The following SLC39A11 variants were observed in gnomAD, a reference collection of about 807,000 sequenced individuals.
SLC39A11 encodes solute carrier family 39 member 11.
A neutral mutation model predicts 36.1 loss-of-function variants in SLC39A11; 33 were observed. That is an observed-to-expected ratio of 0.91 (90% CI 0.69 to 1.22). The LOEUF (loss-of-function observed/expected upper bound fraction) is 1.22. SLC39A11 is among the 50% of genes most tolerant of loss of function. SLC39A11 has a pLI of 0.00. For synonymous variants in SLC39A11, 166 were observed against 170.3 expected (o/e 0.97, Z 0.20); for missense variants, 432 against 430.3 (o/e 1.00, Z -0.03).
chr17:72,752,512 T>C (rs2075195442), intron 6 of SLC39A11, among the ~76,000 whole-genome samples: 1 of 152,114 alleles, frequency 6.6e-6, no homozygotes, highest in African/African-American at 2.4e-5. Flanking sequence ...CCCAAAAGTG[T>C]TAGGATTACA....
intron 7 of SLC39A11, among the ~76,000 whole-genome samples, chr17:72,703,493 G>A (rs769979816): frequency 6.6e-6 from 1 of 150,758 alleles, no homozygotes; most frequent in African/African-American, 2.5e-5. Context: ...GGGGGGTTGG[G>A]GGGCGATACC....
intron 4 of SLC39A11, among the ~76,000 whole-genome samples, chr17:72,958,878 A>G (rs2086418340): frequency 6.6e-6 from 1 of 151,896 alleles, no homozygotes; most frequent in South Asian, 2.1e-4. Context: ...AAAAAAAAAA[A>G]AGAAGATACA....
At chr17:72,669,574 C>T (rs539308750) in intron 7 of SLC39A11, among the ~76,000 whole-genome samples, 3 of 152,304 alleles carry the variant, frequency 2.0e-5, no homozygotes, top group Non-Finnish European at 4.4e-5. Flanking sequence ...CAGGAAAACT[C>T]GATGTGTCTT....
At chr17:72,957,117 G>A (rs1043321771) in intron 4 of SLC39A11, among the ~76,000 whole-genome samples, 9 of 152,102 alleles carry the variant, frequency 5.9e-5, no homozygotes, top group Admixed American at 2.6e-4. Flanking sequence ...TCATTCGTAC[G>A]CTAACCTCAG....
intron 7 of SLC39A11, among the ~76,000 whole-genome samples, chr17:72,687,057 A>G (rs543246916): frequency 2.4e-4 from 36 of 152,278 alleles, no homozygotes; most frequent in Non-Finnish European, 3.4e-4. Flanking sequence ...AGACAGGGTC[A>G]TGCTCTGTCA....
intron 4 of SLC39A11, among the ~76,000 whole-genome samples, chr17:73,000,753 A>T (rs182170534): frequency 6.6e-6 from 1 of 152,190 alleles, no homozygotes; most frequent in African/African-American, 2.4e-5. Context: ...AAAATCCTAC[A>T]TTGACTCTCA....
At chr17:72,921,690 C>T (rs980650791) in intron 5 of SLC39A11, among the ~76,000 whole-genome samples, 4 of 152,282 alleles carry the variant, frequency 2.6e-5, no homozygotes, top group East Asian at 1.9e-4. Flanking sequence ...GTTAGAGGAA[C>T]GCTAACTTAC....
intron 5 of SLC39A11, among the ~76,000 whole-genome samples, chr17:72,919,862 A>G (rs1252029060): frequency 2.6e-5 from 4 of 152,022 alleles, no homozygotes; most frequent in Non-Finnish European, 5.9e-5. Context: ...TCTGGCTGGA[A>G]TTCACTTTCG....
At chr17:72,715,987 G>A (rs553256942) in intron 7 of SLC39A11, among the ~76,000 whole-genome samples, 13 of 152,138 alleles carry the variant, frequency 8.5e-5, no homozygotes, top group Non-Finnish European at 1.2e-4. Context: ...GTGAGCCACC[G>A]TGCCCGGCCA....
chr17:72,720,823 AC>A (rs1309396753), intron 7 of SLC39A11, among the ~76,000 whole-genome samples: 33 of 152,166 alleles, frequency 2.2e-4, no homozygotes, highest in African/African-American at 7.2e-4. Flanking sequence ...CAGGATTTGA[AC>A]CCAGGGAGTC....
intron 7 of SLC39A11, among the ~76,000 whole-genome samples, chr17:72,720,804 T>G (rs547753226): frequency 6.6e-6 from 1 of 152,262 alleles, no homozygotes; most frequent in African/African-American, 2.4e-5. Flanking sequence ...ACCCAGTTGA[T>G]GAAAGAGCCA....
At chr17:73,029,243 C>T (rs190527457) in intron 4 of SLC39A11, among the ~76,000 whole-genome samples, 182 of 152,186 alleles carry the variant, frequency 1.2e-3, no homozygotes, top group Admixed American at 4.7e-3. Flanking sequence ...ACCACCCCTA[C>T]TCCCCAGTAA....
chr17:72,985,410 T>TTTTA (rs1443731251), intron 4 of SLC39A11, among the ~76,000 whole-genome samples: 5 of 132,342 alleles, frequency 3.8e-5, no homozygotes, highest in Admixed American at 3.3e-4. Flanking sequence ...GGCCTGCCTT[T>TTTTA]TTTTTTTTTT....
chr17:72,783,364 A>G (rs1280609047), intron 6 of SLC39A11, among the ~76,000 whole-genome samples: 2 of 152,244 alleles, frequency 1.3e-5, no homozygotes, highest in African/African-American at 4.8e-5. Flanking sequence ...CTGTGCTGGA[A>G]AAGGCCTCCC....
chr17:72,848,790 C>A (rs1481512467), intron 6 of SLC39A11, among the ~76,000 whole-genome samples: 2 of 151,534 alleles, frequency 1.3e-5, no homozygotes, highest in African/African-American at 4.8e-5. Flanking sequence ...AAGAACATTT[C>A]AGAAAGATGC....
chr17:72,999,091 G>A (rs765131605), intron 4 of SLC39A11, among the ~76,000 whole-genome samples: 2 of 152,094 alleles, frequency 1.3e-5, no homozygotes, highest in Non-Finnish European at 2.9e-5. Context: ...ACGTAAGCAC[G>A]GCCCTACATC....
At chr17:72,934,900 G>A (rs971105261) in intron 5 of SLC39A11, among the ~76,000 whole-genome samples, 4 of 152,176 alleles carry the variant, frequency 2.6e-5, no homozygotes, top group African/African-American at 9.7e-5. Flanking sequence ...GAGGCCAAGG[G>A]CTAGTGAGGG....
intron 4 of SLC39A11, among the ~76,000 whole-genome samples, chr17:73,018,641 T>C (rs1318089734): frequency 6.6e-6 from 1 of 151,982 alleles, no homozygotes; most frequent in Non-Finnish European, 1.5e-5. Context: ...AGTCCTCAGA[T>C]AAAGGGTATC....
chr17:72,923,615 G>A (rs1312704822), intron 5 of SLC39A11, among the ~76,000 whole-genome samples: 1 of 152,192 alleles, frequency 6.6e-6, no homozygotes, highest in African/African-American at 2.4e-5. Flanking sequence ...TCACTTCGAA[G>A]GCAGGAGTTG....
Sources: gnomAD v4.1 joint callset for allele counts (sites outside exome capture counted in the v4.1 genomes callset) on GRCh38, gnomAD v4.1.1 for gene constraint, MANE v1.5 for transcripts, NCBI Gene and HGNC (gene_info 2026-07-23, HGNC 2026-07-21) for gene names.